Variants in CCDC178 observed in about 807,000 individuals in gnomAD.
CCDC178 encodes the protein coiled-coil domain containing 178, also known as coiled-coil domain-containing protein 178.
CCDC178 carries 126 observed loss-of-function variants against 117.4 expected under a neutral mutation model. The ratio of observed to expected loss-of-function variants is 1.07; its 90% CI spans 0.93 to 1.24. The LOEUF is 1.24. Ranked by LOEUF, CCDC178 falls within the 50% of genes most tolerant of loss-of-function variation. The pLI is 0.00. For synonymous variants in CCDC178, 283 were observed against 313.4 expected (o/e 0.90, Z 1.02); for missense variants, 1,030 against 986.9 (o/e 1.04, Z -0.59).
chr18:33,006,309 G>A (rs1423328029), intron 21 of CCDC178, among the ~76,000 whole-genome samples: 2 of 152,092 alleles, frequency 1.3e-5, no homozygotes, highest in Non-Finnish European at 2.9e-5. Flanking sequence ...GTCACAATCA[G>A]TTGGAGAGGA....
At chr18:33,028,833 C>G (rs376123903) in intron 21 of CCDC178, among the ~76,000 whole-genome samples, 2 of 151,740 alleles carry the variant, frequency 1.3e-5, no homozygotes, top group East Asian at 3.9e-4. Context: ...TAGTTGATAT[C>G]CAGATACTGA....
chr18:33,276,923 A>C (rs2059957750), intron 12 of CCDC178, among the ~76,000 whole-genome samples: 1 of 152,134 alleles, frequency 6.6e-6, no homozygotes, highest in Non-Finnish European at 1.5e-5. Flanking sequence ...TCCCAATTTA[A>C]AAAACTACTC....
rs1176558555 is a variant in CCDC178 at position 33,245,365 on chromosome 18, A to ATTCTTTAAAGATGTTTATCT, written c.1472_1473insAGATAAACATCTTTAAAGAA (p.Asn491LysfsTer6). On this transcript the variant is annotated stop_gained and frameshift_variant, in exon 15 of 23. Coordinates refer to ENST00000383096, the MANE Select transcript of CCDC178 (RefSeq NM_001105528.4). LOFTEE classifies it high-confidence loss of function. ...TATAGATGTTCTTGAGATGTTTATC[A>ATTCTTTAAAGATGTTTATCT]TTCTTTAACTTCATTATTGTCAAAT... The ATTCTTTAAAGATGTTTATCT allele has an allele frequency of 2.5e-6, 4 of 1,603,934 alleles. No individual in the cohort carries two copies. Among genetic ancestry groups the ATTCTTTAAAGATGTTTATCT allele is most frequent in the Non-Finnish European group, 1.7e-6 (2 of 1,175,880 alleles).
At chr18:33,282,633 C>T (rs2060039040) in intron 12 of CCDC178, among the ~76,000 whole-genome samples, 2 of 152,174 alleles carry the variant, frequency 1.3e-5, no homozygotes, top group Non-Finnish European at 2.9e-5. Context: ...AGCCCACATG[C>T]TCTCTCTCCA....
At chr18:33,408,720 A>G (rs925701580) in intron 3 of CCDC178, among the ~76,000 whole-genome samples, 1 of 152,170 alleles carries the variant, frequency 6.6e-6, no homozygotes, top group Non-Finnish European at 1.5e-5. Context: ...AAAAAAATTC[A>G]TTCTCTGCCT....
At chr18:33,410,883 C>T (rs1019379059) in intron 3 of CCDC178, among the ~76,000 whole-genome samples, 1 of 152,188 alleles carries the variant, frequency 6.6e-6, no homozygotes, top group Non-Finnish European at 1.5e-5. Flanking sequence ...CCTCTTGAAA[C>T]TGCCAAAACC....
At position 33,268,897 on chromosome 18, in the gene CCDC178, T is replaced by A. The variant is rs1030958636; in HGVS notation, c.1177-1600A>T. Among the ~76,000 whole-genome samples, 8 of 151,892 alleles carry A rather than the reference T, an allele frequency of 5.3e-5. 1 individual carries two copies. The highest frequency in any genetic ancestry group is 1.9e-4 in the African/African-American group (8 of 41,506). Reference sequence around the variant, plus strand: ...GGGAGCACTGATTTAATAAAAACAGTCTAAACTTAGTAAGAAGAGTGCACT... The same window carrying A: ...GGGAGCACTGATTTAATAAAAACAGACTAAACTTAGTAAGAAGAGTGCACT... On this transcript the variant is annotated intron_variant, in intron 12 of 22. Coordinates refer to ENST00000383096, the MANE Select transcript of CCDC178 (RefSeq NM_001105528.4).
chr18:33,410,905 C>T (rs2063841666), intron 3 of CCDC178, among the ~76,000 whole-genome samples: 1 of 152,122 alleles, frequency 6.6e-6, no homozygotes, highest in Admixed American at 6.6e-5. Context: ...AGAGATCAAG[C>T]CCCTTAATAG....
At chr18:33,076,459 C>T (rs1457481431) in intron 21 of CCDC178, among the ~76,000 whole-genome samples, 2 of 152,166 alleles carry the variant, frequency 1.3e-5, no homozygotes, top group African/African-American at 2.4e-5. Flanking sequence ...TGCTTACTGC[C>T]GCATTTCAGA....
At chr18:32,956,079 T>G (rs1196640292) in intron 22 of CCDC178, among the ~76,000 whole-genome samples, 4 of 152,180 alleles carry the variant, frequency 2.6e-5, no homozygotes, top group Non-Finnish European at 5.9e-5. Flanking sequence ...GTTATGTACA[T>G]TCTTCTATTT....
chr18:33,012,570 G>A (rs957656442), intron 21 of CCDC178, among the ~76,000 whole-genome samples: 7 of 152,092 alleles, frequency 4.6e-5, no homozygotes, highest in African/African-American at 1.4e-4. Context: ...TCCAGTCCAT[G>A]CAGTGCCTCA....
At chr18:33,258,176 A>G (rs759414984) in intron 14 of CCDC178, among the ~76,000 whole-genome samples, 2 of 152,136 alleles carry the variant, frequency 1.3e-5, no homozygotes, top group African/African-American at 2.4e-5. Context: ...TCTCTAAAAT[A>G]TAAGATTATG....
chr18:32,941,224 G>A (rs2054233075), intron 22 of CCDC178, among the ~76,000 whole-genome samples: 1 of 151,952 alleles, frequency 6.6e-6, no homozygotes, highest in South Asian at 2.1e-4. Flanking sequence ...AGAGTTCAAT[G>A]GTCATCAGTT....
chr18:33,349,105 T>C lies in CCDC178; in HGVS notation c.372-130A>G, dbSNP rs562427681. 13 of 541,874 alleles carry C rather than the reference T, an allele frequency of 2.4e-5. No individual in the cohort carries two copies. In the South Asian group the frequency reaches 2.5e-4, roughly 10 times the overall value. 33.6% of individuals were successfully genotyped at this position (541,874 alleles called of 1,614,324 possible). A position where few individuals can be genotyped will look rare whatever the true frequency, so the allele number is the denominator to read the frequency against. The stretch of plus-strand genomic sequence containing the variant: ...TACTATACAAGATAATCTTACTAGA[T>C]AGGAGACTAATATAGCAAAATTCTA... On this transcript the variant is annotated intron_variant, in intron 7 of 22. Transcript: ENST00000383096.
chr18:33,394,001 A>T (rs1229179747), intron 4 of CCDC178, among the ~76,000 whole-genome samples: 3 of 151,870 alleles, frequency 2.0e-5, no homozygotes, highest in African/African-American at 7.3e-5. Flanking sequence ...TTGTTAGAAA[A>T]TTTTTTTTCA....
At chr18:33,416,482 C>T (rs1459376408) in intron 2 of CCDC178, among the ~76,000 whole-genome samples, 1 of 151,516 alleles carries the variant, frequency 6.6e-6, no homozygotes, top group African/African-American at 2.4e-5. Flanking sequence ...GAAGCCTAGA[C>T]TATATCTACC....
Position 33,389,600 on chromosome 18 carries a change from A to G in CCDC178, c.148T>C (p.Tyr50His), listed in dbSNP as rs960066317. Residue 50 changes from tyrosine to histidine, a missense_variant, in exon 5 of 23, where the codon TAT becomes CAT. Tyr to His is a moderately conservative substitution (Grantham distance 83). Transcript: ENST00000383096. ...GNAMSQSLVL[Y>H]GASKENSEGF... ...TCACTGTTCTCCTTAGAGGCTCCAT[A>G]TAGAACCAAACTTTGAGACATGGCA... The G allele has an allele frequency of 3.9e-6, 6 of 1,519,866 alleles. No homozygotes were observed. The African/African-American group carries it at 7.1e-5, about 18-fold the overall frequency. The allele number at this position is 1,519,866 out of a possible 1,614,324, so 94.1% of individuals were successfully genotyped here.
rs533928693 is a variant in CCDC178, at chr18:33,169,289, A to T, written c.2238+42607T>A. Among the ~76,000 whole-genome samples the T allele has an allele frequency of 3.5e-4, 53 of 152,310 alleles. 1 individual carries two copies. The South Asian group carries it at 8.5e-3, about 24-fold the overall frequency. On this transcript the variant is annotated intron_variant, in intron 20 of 22. Transcript: ENST00000383096. ...AACAATTCATTCCTCTTAGGGATAC[A>T]TTTTACTGGGAGATTTAAGCTAGTG... is the stretch of plus-strand genomic sequence containing the variant.
rs2059278445 is a variant in CCDC178 at position 33,224,579 on chromosome 18, A to G, written c.1818+196T>C. On this transcript the variant is annotated intron_variant, in intron 17 of 22. Transcript: ENST00000383096. ...CTTTTCCCAAGTACCCTCTAAGACTATGGGGTTCTAGATAATAGCATTAAT... is the reference window on the plus strand; with the variant it reads ...CTTTTCCCAAGTACCCTCTAAGACTGTGGGGTTCTAGATAATAGCATTAAT... Among the ~76,000 whole-genome samples the G allele has an allele frequency of 2.0e-5, 3 of 152,142 alleles. No individual in the cohort carries two copies. The South Asian group carries it at 6.2e-4, about 32-fold the overall frequency.
Sources: allele counts gnomAD v4.1 joint callset (sites outside exome capture counted in the v4.1 genomes callset), GRCh38; gene constraint gnomAD v4.1.1; transcripts MANE v1.5; gene names NCBI Gene and HGNC (gene_info 2026-07-23, HGNC 2026-07-21).